Variants in PDE4D observed in about 807,000 individuals in gnomAD.
PDE4D encodes the protein phosphodiesterase 4D.
Under a neutral mutation model 87.4 loss-of-function variants are expected in PDE4D, and 24 were observed. That is an observed-to-expected ratio of 0.27 (90% CI 0.20 to 0.39). PDE4D has a LOEUF of 0.39. Among genes scored for constraint, PDE4D ranks in the 10% least tolerant of loss-of-function variants. The pLI is 1.00. For synonymous variants in PDE4D, 384 were observed against 383.2 expected (o/e 1.00, Z -0.02); for missense variants, 714 against 1,041.0 (o/e 0.69, Z 4.32).
In PDE4D at chr5:60,351,533, G is replaced by C. The variant is rs938813372; in HGVS notation, c.-90+136409C>G. 4.6e-5 allele frequency among the ~76,000 whole-genome samples: 7 copies of C among 152,222 alleles called. No homozygotes were observed. The East Asian group carries it at 1.4e-3, about 29-fold the overall frequency. On this transcript the variant is annotated intron_variant, in intron 1 of 16. Coordinates refer to the PDE4D transcript ENST00000502484. ...CTATCTTGGATCATGAGTTGATCTTGAGAATGTGAGCCATGTGCTTAGAAA... is the reference window on the plus strand; with the variant it reads ...CTATCTTGGATCATGAGTTGATCTTCAGAATGTGAGCCATGTGCTTAGAAA...
At chr5:60,036,124 T>C (rs1159233653) in intron 2 of PDE4D, among the ~76,000 whole-genome samples, 1 of 152,224 alleles carries the variant, frequency 6.6e-6, no homozygotes, top group Non-Finnish European at 1.5e-5. Flanking sequence ...TGGGTTGATA[T>C]GACACAAATG....
intron 5 of PDE4D, among the ~76,000 whole-genome samples, chr5:59,144,889 ATGGG>A (rs1778378995): frequency 1.4e-3 from 3 of 2,140 alleles, no homozygotes; most frequent in African/African-American, 4.3e-3. Context: ...ATAGGGTTTA[ATGGG>A]GGGGGGGGGG....
At chr5:59,141,715 A>C (rs1777915213) in intron 5 of PDE4D, among the ~76,000 whole-genome samples, 1 of 152,192 alleles carries the variant, frequency 6.6e-6, no homozygotes, top group East Asian at 1.9e-4. Flanking sequence ...TGTATTAGGC[A>C]TGTGAAAGGG....
chr5:60,371,303 C>CT (rs1452733461), intron 1 of PDE4D, among the ~76,000 whole-genome samples: 2 of 152,220 alleles, frequency 1.3e-5, no homozygotes, highest in African/African-American at 4.8e-5. Context: ...ACATGGTGGA[C>CT]TTTGTCACAG....
chr5:60,472,898 T>C (rs1747919461), intron 1 of PDE4D, among the ~76,000 whole-genome samples: 1 of 152,162 alleles, frequency 6.6e-6, no homozygotes, highest in Admixed American at 6.5e-5. Flanking sequence ...CTAATGTAAG[T>C]GCTCTGAACA....
At chr5:59,882,374 T>C (rs1749550552) in intron 1 of PDE4D, among the ~76,000 whole-genome samples, 2 of 152,146 alleles carry the variant, frequency 1.3e-5, no homozygotes, top group African/African-American at 4.8e-5. Flanking sequence ...AATAAAAATG[T>C]GTGTATAGAA....
intron 5 of PDE4D, among the ~76,000 whole-genome samples, chr5:59,044,796 C>T (rs991633094): frequency 6.6e-6 from 1 of 152,158 alleles, no homozygotes; most frequent in Non-Finnish European, 1.5e-5. Flanking sequence ...CATAAAGCTT[C>T]CAAAGGAAAG....
At chr5:60,287,641 C>G (rs1416292065) in intron 1 of PDE4D, among the ~76,000 whole-genome samples, 2 of 152,182 alleles carry the variant, frequency 1.3e-5, no homozygotes, top group African/African-American at 4.8e-5. Flanking sequence ...CTACCCAGCT[C>G]AAATGCCACT....
intron 1 of PDE4D, among the ~76,000 whole-genome samples, chr5:59,707,300 T>G (rs573582033): frequency 6.6e-6 from 1 of 152,112 alleles, no homozygotes; most frequent in East Asian, 1.9e-4. Flanking sequence ...AACAAACATT[T>G]ATTGAATTAC....
rs1044567243 is a variant in PDE4D, at chr5:58,973,773, A to ATGCAAAGTAAATAAT, written c.*876_*890dup. The ATGCAAAGTAAATAAT allele has an allele frequency of 1.3e-5, 2 of 149,294 alleles. No individual in the cohort carries two copies. Among genetic ancestry groups the ATGCAAAGTAAATAAT allele is most frequent in the African/African-American group, 2.5e-5 (1 of 40,682 alleles). The allele number at this position is 149,294 out of a possible 1,614,324, so 9.2% of individuals were successfully genotyped here. A position where few individuals can be genotyped will look rare whatever the true frequency, so the allele number is the denominator to read the frequency against. ...GCTTATCTGGAAAGAGTGAAACAAA[A>ATGCAAAGTAAATAAT]TGCAAAGTAAATAATAAAGACTTAC... On this transcript the variant is annotated 3_prime_UTR_variant, in exon 15 of 15. Coordinates refer to ENST00000340635, the MANE Select transcript of PDE4D (RefSeq NM_001104631.2).
intron 2 of PDE4D, among the ~76,000 whole-genome samples, chr5:60,119,163 C>T (rs1019476686): frequency 6.6e-6 from 1 of 152,180 alleles, no homozygotes; most frequent in Admixed American, 6.5e-5. Context: ...ATCATTTTAG[C>T]CTTATCACCA....
intron 1 of PDE4D, among the ~76,000 whole-genome samples, chr5:59,734,039 T>C (rs147660232): frequency 1.9e-3 from 292 of 152,214 alleles, no homozygotes; most frequent in African/African-American, 6.9e-3. Context: ...AAATAGATTA[T>C]CAGAATCACC....
At chr5:60,024,437 T>G (rs1217353915) in intron 2 of PDE4D, among the ~76,000 whole-genome samples, 2 of 152,352 alleles carry the variant, frequency 1.3e-5, no homozygotes, top group East Asian at 3.9e-4. Flanking sequence ...GTTTCAAAGA[T>G]GTATTTATTT....
chr5:59,915,047 T>A (rs1275280394), intron 3 of PDE4D, among the ~76,000 whole-genome samples: 1 of 152,120 alleles, frequency 6.6e-6, no homozygotes, highest in Non-Finnish European at 1.5e-5. Flanking sequence ...CCAGAGTTTG[T>A]TTTAAGACAG....
intron 6 of PDE4D, among the ~76,000 whole-genome samples, chr5:59,026,375 T>C (rs775326221): frequency 3.8e-4 from 58 of 152,204 alleles, no homozygotes; most frequent in Non-Finnish European, 5.3e-4. Flanking sequence ...CAAAGTAGAA[T>C]GCTCAGACTC....
chr5:59,400,123 A>G (rs1273087970), intron 1 of PDE4D, among the ~76,000 whole-genome samples: 3 of 108,676 alleles, frequency 2.8e-5, no homozygotes, highest in Non-Finnish European at 5.7e-5. Flanking sequence ...GAACACTTTT[A>G]CACTGTTGGT....
chr5:58,992,641 C>T (rs972034162), intron 7 of PDE4D, among the ~76,000 whole-genome samples: 1 of 152,062 alleles, frequency 6.6e-6, no homozygotes, highest in South Asian at 2.1e-4. Flanking sequence ...TAAGTGAATA[C>T]GTACATAAGC....
chr5:59,349,814 C>T (rs906432800), intron 1 of PDE4D, among the ~76,000 whole-genome samples: 1 of 151,944 alleles, frequency 6.6e-6, no homozygotes, highest in Admixed American at 6.6e-5. Context: ...TGTGCTGGTC[C>T]GTAGCCTGCA....
intron 1 of PDE4D, among the ~76,000 whole-genome samples, chr5:59,670,742 G>GA (rs551261998): frequency 6.7e-4 from 102 of 152,058 alleles, no homozygotes; most frequent in Middle Eastern, 3.4e-3. Context: ...TAATAAAGTG[G>GA]AAAAAACTAT....
Sources: allele counts gnomAD v4.1 joint callset (sites outside exome capture counted in the v4.1 genomes callset), GRCh38; gene constraint gnomAD v4.1.1; transcripts MANE v1.5; gene names NCBI Gene and HGNC (gene_info 2026-07-23, HGNC 2026-07-21).